The following PTPN9 variants were observed in gnomAD, a reference collection of about 807,000 sequenced individuals.
The protein encoded by PTPN9 is protein tyrosine phosphatase non-receptor type 9.
A neutral mutation model predicts 69.8 loss-of-function variants in PTPN9; 26 were observed. That is an observed-to-expected ratio of 0.37 (90% CI 0.27 to 0.52). The LOEUF (loss-of-function observed/expected upper bound fraction) is 0.52. Ranked by LOEUF, PTPN9 falls within the 20% of genes least tolerant of loss-of-function variation. The probability of loss-of-function intolerance (pLI) is 0.91; values close to 1 mark genes in which losing one functional copy is unlikely to be tolerated. For missense variants in PTPN9, 549 were observed against 740.3 expected (o/e 0.74, Z 3.00); for synonymous variants, 274 against 272.5 (o/e 1.01, Z -0.05).
intron 1 of PTPN9, among the ~76,000 whole-genome samples, chr15:75,569,421 C>CT (rs1430741544): frequency 2.0e-5 from 3 of 151,948 alleles, no homozygotes; most frequent in African/African-American, 7.3e-5. Context: ...AGTTTAGCTC[C>CT]TGGCCAGGCA....
At chr15:75,530,872 G>GATATATTATATATTATA (rs1372644339) in intron 1 of PTPN9, among the ~76,000 whole-genome samples, 1 of 78,252 alleles carries the variant, frequency 1.3e-5, no homozygotes, top group Non-Finnish European at 2.4e-5. Flanking sequence ...TATATATTAC[G>GATATATTATATATTATA]ATATATTATA....
intron 1 of PTPN9, among the ~76,000 whole-genome samples, chr15:75,548,482 CT>C (rs2075043615): frequency 6.6e-6 from 1 of 150,976 alleles, no homozygotes; most frequent in Non-Finnish European, 1.5e-5. Context: ...TCTTGAACTC[CT>C]GATTTCGTGA....
intron 7 of PTPN9, among the ~76,000 whole-genome samples, chr15:75,495,728 A>AAACAAC (rs566966389): frequency 6.6e-6 from 1 of 151,880 alleles, no homozygotes; most frequent in Admixed American, 6.6e-5. Flanking sequence ...CAACAAAACA[A>AAACAAC]AACAACAACA....
chr15:75,559,259 C>A (rs2075092617), intron 1 of PTPN9, among the ~76,000 whole-genome samples: 1 of 152,170 alleles, frequency 6.6e-6, no homozygotes, highest in South Asian at 2.1e-4. Context: ...GCCACCACCC[C>A]GTCTGGGAGG....
intron 1 of PTPN9, among the ~76,000 whole-genome samples, chr15:75,538,666 G>C (rs1441894961): frequency 6.6e-6 from 1 of 151,672 alleles, no homozygotes; most frequent in Non-Finnish European, 1.5e-5. Context: ...CAGCCTGGGT[G>C]ACACAGCCAG....
intron 4 of PTPN9, among the ~76,000 whole-genome samples, chr15:75,518,824 A>AGG (rs2074886248): frequency 1.4e-5 from 2 of 147,774 alleles, no homozygotes; most frequent in Non-Finnish European, 1.5e-5. Context: ...CTCAGGGGAA[A>AGG]AAAAAAAAAA....
chr15:75,566,675 T>C (rs2075127625), intron 1 of PTPN9, among the ~76,000 whole-genome samples: 2 of 149,842 alleles, frequency 1.3e-5, no homozygotes, highest in Admixed American at 6.7e-5. Context: ...TCTCACTCTG[T>C]CTCAAAAAAA....
chr15:75,522,331 A>T (rs8023268), intron 4 of PTPN9, among the ~76,000 whole-genome samples: 52,053 of 151,882 alleles, frequency 0.34, 10,204 homozygotes, highest in African/African-American at 0.53. Context: ...GCTTAACTTT[A>T]TACTTCTGGG....
chr15:75,508,502 T>C (rs1318133569), intron 6 of PTPN9, among the ~76,000 whole-genome samples: 2 of 152,226 alleles, frequency 1.3e-5, no homozygotes, highest in African/African-American at 4.8e-5. Context: ...AGGGATTGAA[T>C]GATGTTTCCA....
chr15:75,504,251 G>T (rs1338237299), intron 7 of PTPN9, among the ~76,000 whole-genome samples: 1 of 139,482 alleles, frequency 7.2e-6, no homozygotes, highest in Non-Finnish European at 1.6e-5. Flanking sequence ...CCGTCCGGGA[G>T]GGAGGTGAGG....
chr15:75,541,534 G>A (rs2075008704), intron 1 of PTPN9, among the ~76,000 whole-genome samples: 1 of 151,798 alleles, frequency 6.6e-6, no homozygotes, highest in South Asian at 2.1e-4. Context: ...AGCCTCCCCA[G>A]TAGCTGTAAC....
chr15:75,470,946 T>G, intron 10 of PTPN9, 116 bp from the exon 11 acceptor site: 1 of 1,227,794 alleles, frequency 8.1e-7, no homozygotes, highest in Non-Finnish European at 1.1e-6. Flanking sequence ...GCATTGCTTC[T>G]AACTTACACC....
intron 7 of PTPN9, among the ~76,000 whole-genome samples, chr15:75,499,037 T>C (rs1239838789): frequency 1.3e-5 from 2 of 152,176 alleles, no homozygotes; most frequent in African/African-American, 4.8e-5. Flanking sequence ...ATGTAATCTG[T>C]CTCCATTATT....
chr15:75,521,111 A>C (rs143816230), intron 4 of PTPN9, among the ~76,000 whole-genome samples: 1 of 151,762 alleles, frequency 6.6e-6, no homozygotes, highest in East Asian at 2.0e-4. Context: ...TGGCCTCCCA[A>C]AGTGTTGGGA....
intron 2 of PTPN9, among the ~76,000 whole-genome samples, chr15:75,524,777 CAAAAAAAAAAAA>C (rs10699634): frequency 1.6e-4 from 12 of 72,932 alleles, no homozygotes; most frequent in Non-Finnish European, 8.9e-5. Context: ...GACTCTGTCT[CAAAAAAAAAAAA>C]AAAAAAAAAA....
rs150870953 is a variant in PTPN9, at chr15:75,573,752, C to T, written c.63+4962G>A. ...ATGTGCATATGATGGGGAGCAAAAG[C>T]GAAAATAATCCCAACCCTCATAGAG... On this transcript the variant is annotated intron_variant, in intron 1 of 12. Coordinates refer to ENST00000618819, the MANE Select transcript of PTPN9 (RefSeq NM_002833.4). 3.9e-5 allele frequency among the ~76,000 whole-genome samples: 6 copies of T among 152,210 alleles called. No homozygotes were observed. In the East Asian group the frequency reaches 5.8e-4, roughly 15 times the overall value.
At chr15:75,483,558 G>A (rs893553726) in intron 8 of PTPN9, among the ~76,000 whole-genome samples, 2 of 152,210 alleles carry the variant, frequency 1.3e-5, no homozygotes, top group Admixed American at 6.5e-5. Flanking sequence ...GAGGGAAATA[G>A]GTAGCGACTG....
intron 1 of PTPN9, among the ~76,000 whole-genome samples, chr15:75,574,281 T>C (rs2075161602): frequency 1.4e-5 from 2 of 141,024 alleles, no homozygotes; most frequent in Non-Finnish European, 3.0e-5. Context: ...TGAGATCCTG[T>C]CTCCACAAAA....
At chr15:75,503,740 C>T (rs1173456972) in intron 7 of PTPN9, among the ~76,000 whole-genome samples, 1 of 128,758 alleles carries the variant, frequency 7.8e-6, no homozygotes, top group African/African-American at 3.0e-5. Context: ...AGCCCCCAAC[C>T]CGGCCAGCCG....
Sources: gnomAD v4.1 joint callset for allele counts (sites outside exome capture counted in the v4.1 genomes callset) on GRCh38, gnomAD v4.1.1 for gene constraint, MANE v1.5 for transcripts, NCBI Gene and HGNC (gene_info 2026-07-23, HGNC 2026-07-21) for gene names.